PARVB: variants seen among roughly 807,000 people sequenced by gnomAD.
The protein encoded by PARVB is beta-parvin.
Under a neutral mutation model 47.0 loss-of-function variants are expected in PARVB, and 46 were observed. The ratio of observed to expected loss-of-function variants is 0.98; its 90% CI spans 0.77 to 1.25. PARVB has a LOEUF of 1.25. Among genes scored for constraint, PARVB ranks in the 50% most tolerant of loss-of-function variants. The pLI is 0.00. For synonymous variants in PARVB, 196 were observed against 196.3 expected, an observed-to-expected ratio of 1.00 and a Z score of 0.01; for missense variants, 473 against 471.6, an observed-to-expected ratio of 1.00 and a Z score of -0.03.
chr22:44,030,730 G>A (rs1461804925), intron 1 of PARVB, among the ~76,000 whole-genome samples: 5 of 151,440 alleles, frequency 3.3e-5, no homozygotes, highest in Non-Finnish European at 7.4e-5. Context: ...AAATGAAAAA[G>A]GACCCAGATC....
chr22:44,170,812 T>A lies in PARVB; in HGVS notation c.*2134T>A, dbSNP rs1193765109. Reference sequence around the variant, plus strand: ...GCCTGGCCTTTCTGATCTTGTTAGCTTTTTGTCTTCCTGCCGCAGATCAGA... The same window carrying A: ...GCCTGGCCTTTCTGATCTTGTTAGCATTTTGTCTTCCTGCCGCAGATCAGA... On this transcript the variant is annotated 3_prime_UTR_variant, in exon 13 of 13. Transcript: ENST00000338758. 1 of 152,220 alleles carries A rather than the reference T, an allele frequency of 6.6e-6. No homozygotes were observed. The highest frequency in any genetic ancestry group is 1.9e-4 in the East Asian group (1 of 5,196). The allele number at this position is 152,220 out of a possible 1,614,324, so 9.4% of individuals were successfully genotyped here. A position where few individuals can be genotyped will look rare whatever the true frequency, so the allele number is the denominator to read the frequency against.
chr22:44,044,638 A>G (rs562156198), intron 1 of PARVB, among the ~76,000 whole-genome samples: 57 of 151,768 alleles, frequency 3.8e-4, no homozygotes, highest in Non-Finnish European at 7.5e-4. Flanking sequence ...GGCATGCACC[A>G]CCACACCCAG....
chr22:44,148,296 C>T (rs570805045), intron 9 of PARVB: 19 of 332,144 alleles, frequency 5.7e-5, no homozygotes, highest in Non-Finnish European at 1.1e-4. Context: ...CAGGCCTGTG[C>T]GGCTGAGCTG....
At chr22:44,001,336 G>A (rs1328239178) in intron 2 of PARVB, among the ~76,000 whole-genome samples, 2 of 152,272 alleles carry the variant, frequency 1.3e-5, no homozygotes, top group East Asian at 1.9e-4. Context: ...ACAGATGCTC[G>A]TTGACTTACA....
chr22:44,095,438 A>T (rs757181635), intron 2 of PARVB, among the ~76,000 whole-genome samples: 1 of 151,738 alleles, frequency 6.6e-6, no homozygotes, highest in Non-Finnish European at 1.5e-5. Context: ...CGGGATTGGG[A>T]TGTTGCAGTG....
intron 2 of PARVB, among the ~76,000 whole-genome samples, chr22:44,018,727 C>T (rs2050612090): frequency 6.6e-6 from 1 of 152,150 alleles, no homozygotes; most frequent in Non-Finnish European, 1.5e-5. Flanking sequence ...CTTCCTTGCA[C>T]AAGATCAAGT....
intron 3 of PARVB, chr22:44,105,903 A>C (rs530737431): frequency 2.0e-5 from 3 of 152,464 alleles, no homozygotes; most frequent in African/African-American, 7.2e-5. Context: ...ATCTCAGCTT[A>C]CTGCAACCTC....
At chr22:44,124,223 C>G (rs896985072) in intron 4 of PARVB, among the ~76,000 whole-genome samples, 1 of 152,204 alleles carries the variant, frequency 6.6e-6, no homozygotes, top group Non-Finnish European at 1.5e-5. Flanking sequence ...AAGGGATCAG[C>G]TATTTGCTGA....
intron 2 of PARVB, among the ~76,000 whole-genome samples, chr22:44,015,691 C>T (rs1455215825): frequency 2.6e-5 from 4 of 152,178 alleles, no homozygotes; most frequent in Non-Finnish European, 2.9e-5. Context: ...TGATGATGCA[C>T]ACCTGTAGTC....
At chr22:44,064,068 G>C (rs983590868) in intron 1 of PARVB, among the ~76,000 whole-genome samples, 28 of 152,326 alleles carry the variant, frequency 1.8e-4, no homozygotes, top group Admixed American at 1.1e-3. Context: ...TGCCATGCAA[G>C]GGCAGAGGGC....
In PARVB at chr22:44,114,207, T is replaced by C. The variant is rs1601622768; in HGVS notation, c.274-4831T>C. 1.9e-5 allele frequency: 2 copies of C among 103,288 alleles called. 1 individual carries two copies. Among genetic ancestry groups the C allele is most frequent in the Non-Finnish European group, 3.9e-5 (2 of 50,808 alleles). The allele number at this position is 103,288 out of a possible 1,614,324, so 6.4% of individuals were successfully genotyped here. A position where few individuals can be genotyped will look rare whatever the true frequency, so the allele number is the denominator to read the frequency against. On this transcript the variant is annotated intron_variant, in intron 3 of 12. Coordinates refer to ENST00000338758, the MANE Select transcript of PARVB (RefSeq NM_013327.5). ...TACTAAGGCCCTGCACCAACACAGA[T>C]ACATTGTTACTAAGTAAGGCCCTGC...
Position 44,119,057 on chromosome 22 carries a change from A to T in PARVB, c.293A>T (p.Asn98Ile), listed in dbSNP as rs776215311. ...CTGCAGGTCCTCCTCGACTGGATTA[A>T]TGACGTGCTGGTGGAGGAGAGGATC... ...ELVKVLLDWI[N>I]DVLVEERIIV... Residue 98 changes from asparagine (N) to isoleucine (I), a missense_variant, in exon 4 of 13, where the codon AAT (asparagine) becomes ATT (isoleucine). Transcript: ENST00000338758. 10 of 1,613,998 alleles carry T rather than the reference A, an allele frequency of 6.2e-6. No homozygotes were observed. Among genetic ancestry groups the T allele is most frequent in the Admixed American group, 1.7e-5 (1 of 60,030 alleles).
At chr22:44,024,215 CCA>C, upstream of PARVB, 1 of 353,506 alleles carries the variant, frequency 2.8e-6, no homozygotes, top group Non-Finnish European at 4.0e-6. Flanking sequence ...GGGCCGCGCT[CCA>C]GGCCAGGGGC....
intron 10 of PARVB, chr22:44,153,771 T>G (rs1203481168): frequency 6.6e-6 from 1 of 152,082 alleles, no homozygotes; most frequent in Non-Finnish European, 1.5e-5. Context: ...TTTCCCTTGC[T>G]CGATCTATCG....
chr22:44,147,773 G>A lies in PARVB; in HGVS notation c.713-88G>A, dbSNP rs760049786. The A allele has an allele frequency of 6.7e-6, 7 of 1,046,570 alleles. No homozygotes were observed. The East Asian group carries it at 7.1e-5, about 11-fold the overall frequency. 64.8% of individuals were successfully genotyped at this position (1,046,570 alleles called of 1,614,324 possible). ...TGGGAGTTGAGGCTGAACCTCCTGA[G>A]GGATCAGAAGCTGGCAGGGCCCTGG... On this transcript the variant is annotated intron_variant, in intron 8 of 12. Transcript: ENST00000338758.
chr22:44,026,851 G>A (rs539039670), intron 1 of PARVB, among the ~76,000 whole-genome samples: 2 of 152,160 alleles, frequency 1.3e-5, no homozygotes, highest in African/African-American at 4.8e-5. Flanking sequence ...CTGGGGGAAG[G>A]GGCGGGCTCA....
intron 1 of PARVB, among the ~76,000 whole-genome samples, chr22:44,070,229 G>A (rs1161880483): frequency 6.6e-5 from 10 of 152,154 alleles, no homozygotes; most frequent in African/African-American, 2.4e-4. Context: ...AGGTCACACC[G>A]CAGATCGGAA....
At chr22:44,139,835 T>A in intron 7 of PARVB, 1 of 442,032 alleles carries the variant, frequency 2.3e-6, no homozygotes, top group East Asian at 3.9e-5. Context: ...CTGATTTAAG[T>A]ACCTCCCCTC....
Position 44,028,411 on chromosome 22 carries a change from C to T in PARVB, c.112+3960C>T, listed in dbSNP as rs551960699. On this transcript the variant is annotated intron_variant, in intron 1 of 12. Coordinates refer to ENST00000338758, the MANE Select transcript of PARVB (RefSeq NM_013327.5). ...GTTGTGATCATAAAGTGTACAGTAG[C>T]GTTTTCAGATTGGCTTCTTCCACTC... 5.3e-5 allele frequency among the ~76,000 whole-genome samples: 8 copies of T among 152,106 alleles called. No individual in the cohort carries two copies. The East Asian group carries it at 9.6e-4, about 18-fold the overall frequency.
Sources: gnomAD v4.1 joint callset for allele counts (sites outside exome capture counted in the v4.1 genomes callset) on GRCh38, gnomAD v4.1.1 for gene constraint, MANE v1.5 for transcripts, NCBI Gene and HGNC (gene_info 2026-07-23, HGNC 2026-07-21) for gene names.